CAST: variants seen among roughly 807,000 people sequenced by gnomAD.
CAST encodes the protein MIR583 host.
CAST carries 76 observed loss-of-function variants against 119.6 expected under a neutral mutation model. The ratio of observed to expected loss-of-function variants is 0.64; its 90% CI spans 0.53 to 0.77. The LOEUF (loss-of-function observed/expected upper bound fraction) is 0.77, where lower values mean the gene tolerates loss of function less well. Among genes scored for constraint, CAST ranks in the 30% least tolerant of loss-of-function variants. The pLI, the probability that CAST is intolerant of heterozygous loss-of-function variation, is 0.00. For synonymous variants in CAST, 319 were observed against 331.6 expected (o/e 0.96, Z 0.41); for missense variants, 953 against 946.5 (o/e 1.01, Z -0.09).
the CAST span, among the ~76,000 whole-genome samples, chr5:96,101,114 T>C: frequency 6.6e-5 from 10 of 152,212 alleles, no homozygotes; most frequent in African/African-American, 2.4e-4. Context: ...TCTTGCTTTG[T>C]TGCCCAGGAT....
At chr5:95,963,156 G>A in the CAST span, among the ~76,000 whole-genome samples, 1 of 152,120 alleles carries the variant, frequency 6.6e-6, no homozygotes, top group Non-Finnish European at 1.5e-5. Flanking sequence ...AAACTGAGAC[G>A]CTTGTTTTTA....
chr5:96,352,774 G>C, the CAST span, among the ~76,000 whole-genome samples: 2 of 152,078 alleles, frequency 1.3e-5, no homozygotes, highest in Admixed American at 1.3e-4. Context: ...GAGGTGATTG[G>C]ATGATGGGAG....
intron 27 of CAST, among the ~76,000 whole-genome samples, chr5:96,766,700 G>A (rs1489615726): frequency 2.0e-5 from 3 of 152,112 alleles, no homozygotes; most frequent in Non-Finnish European, 2.9e-5. Context: ...CCAGTCTTTC[G>A]TAGGTCAACC....
At chr5:96,306,459 T>C in the CAST span, among the ~76,000 whole-genome samples, 1 of 152,170 alleles carries the variant, frequency 6.6e-6, no homozygotes, top group Non-Finnish European at 1.5e-5. Context: ...TCAGTTTTGC[T>C]CTGATCTTGG....
At chr5:96,723,570 T>G (rs989569714) in intron 4 of CAST, among the ~76,000 whole-genome samples, 4 of 152,170 alleles carry the variant, frequency 2.6e-5, no homozygotes, top group African/African-American at 9.7e-5. Context: ...TTAAAATTAT[T>G]TTTTTGAATT....
the CAST span, among the ~76,000 whole-genome samples, chr5:96,407,301 G>T: frequency 1.3e-5 from 2 of 152,134 alleles, no homozygotes; most frequent in South Asian, 4.2e-4. Flanking sequence ...CAAAACTAAG[G>T]CCATAAAGAA....
At chr5:96,561,785 T>G (rs1476306498) in intron 1 of CAST, among the ~76,000 whole-genome samples, 2 of 52,072 alleles carry the variant, frequency 3.8e-5, no homozygotes, top group African/African-American at 1.4e-4. Flanking sequence ...ATTATATATA[T>G]GTTTTTTTTT....
At chr5:96,429,255 C>A in the CAST span, 4 of 1,603,134 alleles carry the variant, frequency 2.5e-6, no homozygotes, top group Non-Finnish European at 3.4e-6. Context: ...GAAAGGCACT[C>A]CTTCGAGACC....
chr5:96,680,563 T>G (rs1383408551), intron 2 of CAST, among the ~76,000 whole-genome samples: 16 of 151,924 alleles, frequency 1.1e-4, no homozygotes, highest in Admixed American at 1.0e-3. Flanking sequence ...AACACCATTA[T>G]AGGGCCTAGT....
chr5:96,715,295 T>C (rs1757001882), intron 3 of CAST, among the ~76,000 whole-genome samples: 1 of 152,180 alleles, frequency 6.6e-6, no homozygotes, highest in African/African-American at 2.4e-5. Flanking sequence ...CTCTGGTACT[T>C]TCCTACCCCT....
the CAST span, among the ~76,000 whole-genome samples, chr5:96,448,539 T>C: frequency 2.6e-5 from 4 of 152,182 alleles, no homozygotes; most frequent in South Asian, 8.3e-4. Flanking sequence ...TTACATGAAT[T>C]CTTTGAACTA....
At chr5:96,735,491 G>A (rs564463449) in intron 9 of CAST, among the ~76,000 whole-genome samples, 1 of 152,342 alleles carries the variant, frequency 6.6e-6, no homozygotes, top group African/African-American at 2.4e-5. Flanking sequence ...GCAGAAATGT[G>A]CAGAGTGTAT....
rs749722806 is a variant in CAST at position 96,722,715 on chromosome 5, T to C, written c.270+17T>C. On this transcript the variant is annotated intron_variant, in intron 4 of 31. Coordinates refer to ENST00000675179, the MANE Select transcript of CAST (RefSeq NM_001750.7). The stretch of plus-strand genomic sequence containing the variant: ...GAAACCAAGGTATGAAGAATGCTAA[T>C]TGAGTGAGTGCTAATTTAAGTTGAT... 1 of 1,578,754 alleles carries C rather than the reference T, an allele frequency of 6.3e-7. No individual in the cohort carries two copies. The highest frequency in any genetic ancestry group is 8.7e-7 in the Non-Finnish European group (1 of 1,147,722).
At chr5:96,205,158 T>G in the CAST span, among the ~76,000 whole-genome samples, 1 of 152,088 alleles carries the variant, frequency 6.6e-6, no homozygotes, top group Admixed American at 6.6e-5. Context: ...AGCCCTTTGT[T>G]AAATATGTGG....
At chr5:96,390,428 C>T in the CAST span, 1 of 152,152 alleles carries the variant, frequency 6.6e-6, no homozygotes, top group African/African-American at 2.4e-5. Flanking sequence ...CTGGTCAATA[C>T]ATCAAATGTA....
At chr5:96,360,093 T>A in the CAST span, among the ~76,000 whole-genome samples, 2 of 152,086 alleles carry the variant, frequency 1.3e-5, no homozygotes, top group Middle Eastern at 3.4e-3. Context: ...TGATCTTCAA[T>A]CTCTGATATC....
chr5:95,998,955 G>A, the CAST span, among the ~76,000 whole-genome samples: 2 of 152,118 alleles, frequency 1.3e-5, no homozygotes, highest in East Asian at 1.9e-4. Flanking sequence ...ACAGGTATAA[G>A]ATGGTATCTC....
At chr5:96,368,237 C>G in the CAST span, among the ~76,000 whole-genome samples, 2 of 151,862 alleles carry the variant, frequency 1.3e-5, no homozygotes, top group African/African-American at 4.8e-5. Context: ...CGATAGCTCA[C>G]TCCTGTAATA....
the CAST span, among the ~76,000 whole-genome samples, chr5:96,298,582 T>C: frequency 5.1e-4 from 77 of 152,306 alleles, no homozygotes; most frequent in Admixed American, 8.5e-4. Context: ...AGTTTAGCAA[T>C]TATTATTAAT....
Sources: allele counts gnomAD v4.1 joint callset (sites outside exome capture counted in the v4.1 genomes callset), GRCh38; gene constraint gnomAD v4.1.1; transcripts MANE v1.5; gene names NCBI Gene and HGNC (gene_info 2026-07-23, HGNC 2026-07-21).